Variants in A1CF observed in about 807,000 individuals in gnomAD.
The protein encoded by A1CF is APOBEC1 complementation factor.
A1CF carries 48 observed loss-of-function variants against 68.9 expected under a neutral mutation model. That is an observed-to-expected ratio of 0.70 (90% confidence interval 0.55 to 0.89). A1CF has a LOEUF of 0.89. Ranked by LOEUF, A1CF falls within the 40% of genes least tolerant of loss-of-function variation. The pLI, the probability that A1CF is intolerant of heterozygous loss-of-function variation, is 0.00. For missense variants in A1CF, 653 were observed against 718.9 expected, an observed-to-expected ratio of 0.91 and a Z score of 1.05; for synonymous variants, 272 against 260.4, an observed-to-expected ratio of 1.04 and a Z score of -0.43.
At chr10:50,872,359 T>C (rs1841308248) in intron 1 of A1CF, among the ~76,000 whole-genome samples, 2 of 152,156 alleles carry the variant, frequency 1.3e-5, no homozygotes, top group South Asian at 4.1e-4. Context: ...TCCTATGATA[T>C]GGGTAATAAA....
intron 6 of A1CF, among the ~76,000 whole-genome samples, chr10:50,833,925 A>G (rs1322655619): frequency 6.6e-6 from 1 of 152,144 alleles, no homozygotes; most frequent in Non-Finnish European, 1.5e-5. Context: ...ATTGGATCAT[A>G]GTGAATATGA....
At chr10:50,849,701 C>A (rs1840145688) in intron 3 of A1CF, among the ~76,000 whole-genome samples, 1 of 148,834 alleles carries the variant, frequency 6.7e-6, no homozygotes, top group Non-Finnish European at 1.5e-5. Flanking sequence ...AATTAGCACA[C>A]AAAACCTGTG....
At chr10:50,863,846 T>C (rs565532688) in intron 2 of A1CF, among the ~76,000 whole-genome samples, 187 bp downstream of exon 2, 2 of 152,246 alleles carry the variant, frequency 1.3e-5, no homozygotes, top group African/African-American at 4.8e-5. Context: ...AATTATATAT[T>C]TTAAAATAAC....
chr10:50,832,918 T>C lies in A1CF; in HGVS notation c.604+3156A>G, dbSNP rs190447774. ...TCATGTCATTCAGAAGGGAGCAATA[T>C]GTGTTCTAGATGCTTAATAAATATT... On this transcript the variant is annotated intron_variant, in intron 6 of 12. Transcript: ENST00000373997. Among the ~76,000 whole-genome samples, 29 of 152,266 alleles carry C rather than the reference T, an allele frequency of 1.9e-4. No individual in the cohort carries two copies. In the East Asian group the frequency reaches 5.0e-3, roughly 26 times the overall value.
intron 3 of A1CF, among the ~76,000 whole-genome samples, chr10:50,857,244 A>G (rs986021588): frequency 2.6e-5 from 4 of 152,154 alleles, no homozygotes; most frequent in African/African-American, 9.7e-5. Context: ...CACGCGTACA[A>G]TATGTAATGA....
rs1837795153 is a variant in A1CF, at chr10:50,805,932, A to C, written c.*797T>G. 1 of 152,212 alleles carries C rather than the reference A, an allele frequency of 6.6e-6. No homozygotes were observed. The highest frequency in any genetic ancestry group is 2.1e-4 in the South Asian group (1 of 4,826). The allele number at this position is 152,212 out of a possible 1,614,324, so 9.4% of individuals were successfully genotyped here. On this transcript the variant is annotated 3_prime_UTR_variant, in exon 13 of 13. Coordinates refer to ENST00000373997, the MANE Select transcript of A1CF (RefSeq NM_014576.4). ...TGATGAAAATCAAGCAATATGAACAAGTCAAAAAATTTTAAAGTAGAAAAG... is the reference window on the plus strand; with the variant it reads ...TGATGAAAATCAAGCAATATGAACACGTCAAAAAATTTTAAAGTAGAAAAG...
intron 12 of A1CF, among the ~76,000 whole-genome samples, chr10:50,809,012 TA>T (rs202004430): frequency 1.6e-3 from 230 of 141,864 alleles, no homozygotes; most frequent in Non-Finnish European, 1.6e-3. Context: ...AATCTTTTAC[TA>T]AAAAAAAAAA....
chr10:50,810,567 C>T (rs1838057891), intron 11 of A1CF, among the ~76,000 whole-genome samples: 1 of 152,164 alleles, frequency 6.6e-6, no homozygotes. Flanking sequence ...CTCCACCTCT[C>T]AGGTTCAAGT....
In A1CF at chr10:50,815,812, G is replaced by GT. The variant is rs1256175974; in HGVS notation, c.1141+193dup. 3.3e-5 allele frequency among the ~76,000 whole-genome samples: 5 copies of GT among 152,266 alleles called. No individual in the cohort carries two copies. In the East Asian group the frequency reaches 7.7e-4, roughly 23 times the overall value. ...CTCATTTGCACAATGTTCTGATGAC[G>GT]TTTTTTCAATAACCAGTTGTAATGT... is the stretch of plus-strand genomic sequence containing the variant. On this transcript the variant is annotated intron_variant, in intron 9 of 12. Coordinates refer to ENST00000373997, the MANE Select transcript of A1CF (RefSeq NM_014576.4).
chr10:50,845,018 G>A (rs978646077), intron 3 of A1CF, among the ~76,000 whole-genome samples: 1 of 152,112 alleles, frequency 6.6e-6, no homozygotes, highest in Non-Finnish European at 1.5e-5. Flanking sequence ...TGTGGTGTCT[G>A]TGGGTCATGA....
intron 9 of A1CF, among the ~76,000 whole-genome samples, chr10:50,815,707 A>G (rs1031208262): frequency 6.6e-6 from 1 of 152,206 alleles, no homozygotes; most frequent in Non-Finnish European, 1.5e-5. Context: ...GTGATATAGA[A>G]GAAGCTAACA....
chr10:50,814,624 A>T (rs1838280542), intron 9 of A1CF, among the ~76,000 whole-genome samples: 1 of 152,210 alleles, frequency 6.6e-6, no homozygotes, highest in African/African-American at 2.4e-5. Flanking sequence ...AGTTTCATGC[A>T]TAGATTCCTT....
intron 6 of A1CF, among the ~76,000 whole-genome samples, chr10:50,829,285 G>T (rs1226984203): frequency 6.6e-6 from 1 of 152,068 alleles, no homozygotes; most frequent in Non-Finnish European, 1.5e-5. Flanking sequence ...TGCAGATCTT[G>T]TTGAAGTGAT....
At chr10:50,830,274 A>G (rs1328125072) in intron 6 of A1CF, among the ~76,000 whole-genome samples, 1 of 152,120 alleles carries the variant, frequency 6.6e-6, no homozygotes, top group African/African-American at 2.4e-5. Flanking sequence ...AGATTATGCA[A>G]TATTTGTCTT....
At chr10:50,885,028 G>A (rs1841941914) in intron 1 of A1CF, among the ~76,000 whole-genome samples, 1 of 152,150 alleles carries the variant, frequency 6.6e-6, no homozygotes, top group South Asian at 2.1e-4. Context: ...AAAGTGAATA[G>A]TTTAAACATT....
At chr10:50,819,722 G>C (rs1838554061) in intron 8 of A1CF, among the ~76,000 whole-genome samples, 1 of 152,042 alleles carries the variant, frequency 6.6e-6, no homozygotes, top group African/African-American at 2.4e-5. Context: ...CTCAAATTCT[G>C]TGCCTCTAAG....
At chr10:50,807,610 G>A (rs1588958144) in intron 12 of A1CF, among the ~76,000 whole-genome samples, 1 of 152,080 alleles carries the variant, frequency 6.6e-6, no homozygotes, top group South Asian at 2.1e-4. Context: ...TAATCTATGC[G>A]CTTTCATGTT....
At chr10:50,810,249 A>C (rs1263204369) in intron 11 of A1CF, among the ~76,000 whole-genome samples, 1 of 152,246 alleles carries the variant, frequency 6.6e-6, no homozygotes, top group East Asian at 1.9e-4. Context: ...GGTTGATGAC[A>C]TTCCTGGGAC....
intron 8 of A1CF, among the ~76,000 whole-genome samples, chr10:50,817,457 G>T (rs1199462385): frequency 6.6e-6 from 1 of 152,086 alleles, no homozygotes; most frequent in African/African-American, 2.4e-5. Context: ...TGGTCAATTT[G>T]TCCCCAGTAT....
Sources: gnomAD v4.1 joint callset for allele counts (sites outside exome capture counted in the v4.1 genomes callset) on GRCh38, gnomAD v4.1.1 for gene constraint, MANE v1.5 for transcripts, NCBI Gene and HGNC (gene_info 2026-07-23, HGNC 2026-07-21) for gene names.